The following CTNNA3 variants were observed in gnomAD, a reference collection of about 807,000 sequenced individuals.
CTNNA3 encodes the protein catenin alpha-3.
In CTNNA3, 76 loss-of-function variants were observed where a neutral mutation model predicts 95.7. The observed-to-expected ratio is 0.79, with a 90% CI of 0.66 to 0.96. The LOEUF (loss-of-function observed/expected upper bound fraction) is 0.96, where lower values mean the gene tolerates loss of function less well. Among genes scored for constraint, CTNNA3 ranks in the 40% least tolerant of loss-of-function variants. CTNNA3 has a pLI of 0.00. For missense variants in CTNNA3, 1,191 were observed against 1,089.8 expected (o/e 1.09, Z -1.31); for synonymous variants, 431 against 374.4 (o/e 1.15, Z -1.74).
intron 7 of CTNNA3, among the ~76,000 whole-genome samples, chr10:67,160,344 T>C (rs1448365566): frequency 6.6e-6 from 1 of 151,470 alleles, no homozygotes; most frequent in Non-Finnish European, 1.5e-5. Context: ...AAAAATACTA[T>C]ATGATCCAGC....
At chr10:66,731,058 T>C (rs1447405071) in intron 9 of CTNNA3, among the ~76,000 whole-genome samples, 2 of 152,290 alleles carry the variant, frequency 1.3e-5, no homozygotes, top group East Asian at 3.9e-4. Context: ...AAGGGCCAAA[T>C]ACACAATAAA....
At chr10:67,649,458 T>G (rs1383483697) in intron 1 of CTNNA3, among the ~76,000 whole-genome samples, 1 of 152,208 alleles carries the variant, frequency 6.6e-6, no homozygotes, top group African/African-American at 2.4e-5. Context: ...ACAACCTAAT[T>G]TAGCCAAAGT....
At chr10:67,634,765 C>A (rs1465269339) in intron 2 of CTNNA3, among the ~76,000 whole-genome samples, 2 of 152,104 alleles carry the variant, frequency 1.3e-5, no homozygotes, top group Non-Finnish European at 2.9e-5. Flanking sequence ...TTCAAACTGA[C>A]AAGAAAAGCT....
At chr10:66,169,653 T>G (rs1340625522) in intron 13 of CTNNA3, among the ~76,000 whole-genome samples, 1 of 152,210 alleles carries the variant, frequency 6.6e-6, no homozygotes, top group Non-Finnish European at 1.5e-5. Flanking sequence ...TGTAGAAGTG[T>G]TCCCTTTTCA....
rs181123387 is a variant in CTNNA3 at position 66,708,468 on chromosome 10, T to C, written c.1281+57796A>G. ...TATTCTCTTCTTACAAGGACACTAG[T>C]CATGTTAGGTAAAGTCCCATCCTAG... On this transcript the variant is annotated intron_variant, in intron 9 of 17. Transcript: ENST00000433211. Among the ~76,000 whole-genome samples, 65 of 152,088 alleles carry C rather than the reference T, an allele frequency of 4.3e-4. 3 individuals are homozygous for C. In the East Asian group the frequency reaches 6.4e-3, roughly 15 times the overall value.
intron 5 of CTNNA3, among the ~76,000 whole-genome samples, chr10:67,516,328 T>C (rs1198753319): frequency 6.6e-6 from 1 of 152,230 alleles, no homozygotes; most frequent in Non-Finnish European, 1.5e-5. Flanking sequence ...TACTTTTTTC[T>C]TGCTATAAGT....
At position 67,711,358 on chromosome 10, in the gene CTNNA3, T is replaced by C. The variant is rs186510578; in HGVS notation, c.-2+52076A>G. On this transcript the variant is annotated intron_variant, in intron 1 of 17. Coordinates refer to the CTNNA3 transcript ENST00000684154. Reference sequence around the variant, plus strand: ...AAATAAGGGAAAGTTTGGAACTCCCTAGAAACTTGTTGAATGACTTTGACC... The same window carrying C: ...AAATAAGGGAAAGTTTGGAACTCCCCAGAAACTTGTTGAATGACTTTGACC... Among the ~76,000 whole-genome samples the C allele has an allele frequency of 2.5e-3, 387 of 152,256 alleles. 1 individual carries two copies. The highest frequency in any genetic ancestry group is 4.0e-3 in the Non-Finnish European group (272 of 68,006).
intron 15 of CTNNA3, among the ~76,000 whole-genome samples, chr10:66,053,390 A>G (rs531667996): frequency 3.9e-5 from 6 of 152,114 alleles, no homozygotes; most frequent in Non-Finnish European, 7.4e-5. Context: ...GTGGGTACAT[A>G]GTAGATGTGT....
chr10:67,124,333 GGTGT>G (rs141981196), intron 7 of CTNNA3, among the ~76,000 whole-genome samples: 4,025 of 141,654 alleles, frequency 0.028, 95 homozygotes, highest in African/African-American at 0.068. Context: ...GTGTGTTAGC[GGTGT>G]GTGTGTGTGT....
At chr10:66,782,057 G>T (rs140828632) in intron 7 of CTNNA3, among the ~76,000 whole-genome samples, 2,283 of 152,240 alleles carry the variant, frequency 0.015, 48 homozygotes, top group African/African-American at 0.053. Flanking sequence ...ATAATGAGCA[G>T]AATATAAGTT....
intron 13 of CTNNA3, among the ~76,000 whole-genome samples, chr10:66,256,881 A>C (rs967374797): frequency 2.6e-5 from 4 of 152,172 alleles, no homozygotes; most frequent in Non-Finnish European, 4.4e-5. Context: ...AATCCAGGAC[A>C]CTAGAGTAGA....
intron 7 of CTNNA3, among the ~76,000 whole-genome samples, chr10:67,105,379 T>A (rs77913611): frequency 6.6e-6 from 1 of 152,140 alleles, no homozygotes; most frequent in Non-Finnish European, 1.5e-5. Context: ...AAATGCTACA[T>A]GTTCTTTCCA....
intron 7 of CTNNA3, among the ~76,000 whole-genome samples, chr10:66,964,925 AC>A (rs2132792505): frequency 6.6e-6 from 1 of 152,356 alleles, no homozygotes; most frequent in East Asian, 1.9e-4. Context: ...AACATTTTAC[AC>A]AAAAGTTACA....
intron 5 of CTNNA3, among the ~76,000 whole-genome samples, chr10:67,514,248 T>G (rs1402940206): frequency 6.6e-6 from 1 of 152,108 alleles, no homozygotes; most frequent in Non-Finnish European, 1.5e-5. Flanking sequence ...TGCACTGAGC[T>G]GAGATTGTGC....
At position 66,280,586 on chromosome 10, in the gene CTNNA3, A is replaced by G. The variant is rs1422860163; in HGVS notation, c.1768T>C (p.Leu590=). The G allele has an allele frequency of 6.2e-7, 1 of 1,608,396 alleles. No individual in the cohort carries two copies. Among genetic ancestry groups the G allele is most frequent in the Non-Finnish European group, 8.5e-7 (1 of 1,177,606 alleles). Residue 590 remains leucine (L), a synonymous_variant, in exon 13 of 18, where the codon TTG becomes CTG. Coordinates refer to ENST00000433211, the MANE Select transcript of CTNNA3 (RefSeq NM_013266.4). ...AATGAGCTTTTGCTTAAGGCTTCCA[A>G]GGCAACATTCACTTGTGTTACAAAT... ...PEFVTQVNVA[L]EALSKSSLNV... is the part of the protein sequence containing the mutation.
intron 1 of CTNNA3, among the ~76,000 whole-genome samples, chr10:67,716,094 G>C (rs1176735039): frequency 6.6e-6 from 1 of 152,070 alleles, no homozygotes; most frequent in African/African-American, 2.4e-5. Context: ...ACAAAAATAA[G>C]AGTTTAAGGT....
chr10:66,854,748 T>TC (rs915604292), intron 7 of CTNNA3, among the ~76,000 whole-genome samples: 1 of 151,634 alleles, frequency 6.6e-6, no homozygotes, highest in African/African-American at 2.4e-5. Flanking sequence ...ATGTCATTTT[T>TC]TTTTTTTGTC....
chr10:67,663,334 T>TTGTG (rs369412809), intron 1 of CTNNA3, among the ~76,000 whole-genome samples: 8 of 151,226 alleles, frequency 5.3e-5, no homozygotes, highest in Middle Eastern at 3.4e-3. Context: ...TTATTTTTCT[T>TTGTG]TGTGTGTGTG....
chr10:66,506,550 C>T (rs1046368642), intron 11 of CTNNA3, among the ~76,000 whole-genome samples: 1 of 152,114 alleles, frequency 6.6e-6, no homozygotes, highest in Non-Finnish European at 1.5e-5. Context: ...CCTGACAGTA[C>T]AGCAGCATTA....
Sources: gnomAD v4.1 joint callset for allele counts (sites outside exome capture counted in the v4.1 genomes callset) on GRCh38, gnomAD v4.1.1 for gene constraint, MANE v1.5 for transcripts, NCBI Gene and HGNC (gene_info 2026-07-23, HGNC 2026-07-21) for gene names.